Variants in SCAPER observed in about 807,000 individuals in gnomAD.
SCAPER encodes S-phase cyclin A associated protein in the ER, also known as S phase cyclin A-associated protein in the endoplasmic reticulum.
Under a neutral mutation model 182.2 loss-of-function variants are expected in SCAPER, and 98 were observed. The ratio of observed to expected loss-of-function variants is 0.54; its 90% CI spans 0.46 to 0.64. The LOEUF is 0.64. Among genes scored for constraint, SCAPER ranks in the 30% least tolerant of loss-of-function variants. The pLI is 0.00. For missense variants in SCAPER, 1,432 were observed against 1,690.0 expected (o/e 0.85, Z 2.68); for synonymous variants, 605 against 564.6 (o/e 1.07, Z -1.01).
chr15:76,512,055 G>C (rs2042093755), intron 23 of SCAPER, among the ~76,000 whole-genome samples: 1 of 150,904 alleles, frequency 6.6e-6, no homozygotes, highest in African/African-American at 2.4e-5. Context: ...GCTAATTTTT[G>C]TATTTTTTTT....
At chr15:76,752,759 T>A (rs2062170024) in intron 15 of SCAPER, among the ~76,000 whole-genome samples, 2 of 151,364 alleles carry the variant, frequency 1.3e-5, no homozygotes, top group Admixed American at 1.3e-4. Flanking sequence ...GAGTATAGAG[T>A]TTCAGTTTTA....
intron 25 of SCAPER, among the ~76,000 whole-genome samples, chr15:76,443,509 T>C (rs958308544): frequency 6.6e-6 from 1 of 152,192 alleles, no homozygotes; most frequent in Non-Finnish European, 1.5e-5. Context: ...ATGGATAACT[T>C]GTTTTAAGAA....
intron 25 of SCAPER, among the ~76,000 whole-genome samples, chr15:76,444,549 G>T (rs1045692475): frequency 2.0e-5 from 3 of 152,054 alleles, no homozygotes; most frequent in African/African-American, 7.3e-5. Context: ...ATGTGTTAGG[G>T]CTTAAGTCCA....
Position 76,728,582 on chromosome 15 carries a change from G to C in SCAPER, c.2165+13C>G. Reference sequence around the variant, plus strand: ...TCAGTGCAAAATGTTCATCAAGATAGCAAATGAGATACCTAGCTCTTTCCC... The same window carrying C: ...TCAGTGCAAAATGTTCATCAAGATACCAAATGAGATACCTAGCTCTTTCCC... On this transcript the variant is annotated intron_variant, in intron 17 of 31. Transcript: ENST00000563290. The C allele has an allele frequency of 6.2e-7, 1 of 1,612,980 alleles. No homozygotes were observed.
chr15:76,881,671 ATAAAG>A (rs2073548956), intron 2 of SCAPER, among the ~76,000 whole-genome samples: 1 of 152,234 alleles, frequency 6.6e-6, no homozygotes, highest in East Asian at 1.9e-4. Context: ...TATGTGGTAC[ATAAAG>A]TAGTCAAAAT....
intron 20 of SCAPER, among the ~76,000 whole-genome samples, chr15:76,681,745 C>T (rs2057719378): frequency 6.6e-6 from 1 of 152,126 alleles, no homozygotes; most frequent in African/African-American, 2.4e-5. Flanking sequence ...CAGAAGACAT[C>T]ACAACTACCA....
chr15:76,670,447 T>G (rs1046346487), intron 20 of SCAPER, among the ~76,000 whole-genome samples: 1 of 152,160 alleles, frequency 6.6e-6, no homozygotes, highest in African/African-American at 2.4e-5. Context: ...ATGTGGATAA[T>G]TTTTAATTTT....
At chr15:76,370,310 T>TTTTTTG (rs1555414224) in intron 29 of SCAPER, among the ~76,000 whole-genome samples, 2,121 of 137,300 alleles carry the variant, frequency 0.015, 25 homozygotes, top group African/African-American at 0.046. Flanking sequence ...TTTTTTTTTT[T>TTTTTTG]TTTTTTGTTT....
chr15:76,505,613 T>C (rs1447347909), intron 23 of SCAPER, among the ~76,000 whole-genome samples: 2 of 152,156 alleles, frequency 1.3e-5, no homozygotes, highest in African/African-American at 4.8e-5. Context: ...GGTGAGGATG[T>C]GGAGAGGGAA....
chr15:76,546,417 T>C (rs2144845075), intron 23 of SCAPER, among the ~76,000 whole-genome samples: 1 of 152,258 alleles, frequency 6.6e-6, no homozygotes, highest in African/African-American at 2.4e-5. Flanking sequence ...CTCGAACTCC[T>C]AGGCTCAAGG....
intron 1 of SCAPER, among the ~76,000 whole-genome samples, chr15:76,887,118 A>G (rs913041149): frequency 6.6e-6 from 1 of 152,214 alleles, no homozygotes; most frequent in African/African-American, 2.4e-5. Flanking sequence ...GTTTACCAAC[A>G]TAACAAACCT....
At position 76,570,714 on chromosome 15, in the gene SCAPER, C is replaced by T. The variant is rs1176569403; in HGVS notation, c.2838+3444G>A. On this transcript the variant is annotated intron_variant, in intron 23 of 31. Transcript: ENST00000563290. ...TTTCAGGCTTATCTTTTCCCTATGG[C>T]TACTTGTCCTTGTAAAATTGTTTAA... Among the ~76,000 whole-genome samples, 18 of 152,212 alleles carry T rather than the reference C, an allele frequency of 1.2e-4. 1 individual carries two copies. The East Asian group carries it at 3.1e-3, about 26-fold the overall frequency.
intron 5 of SCAPER, among the ~76,000 whole-genome samples, chr15:76,817,676 C>G (rs2067195644): frequency 6.6e-6 from 1 of 152,028 alleles, no homozygotes; most frequent in African/African-American, 2.4e-5. Flanking sequence ...TGTTATAAAT[C>G]TCAAATATAT....
intron 22 of SCAPER, among the ~76,000 whole-genome samples, chr15:76,598,809 G>C (rs2049698502): frequency 8.4e-6 from 1 of 119,498 alleles, no homozygotes; most frequent in Non-Finnish European, 2.0e-5. Context: ...TGGGGTTAGG[G>C]GGATAGAGGA....
At chr15:76,475,775 C>A (rs766265199) in intron 24 of SCAPER, among the ~76,000 whole-genome samples, 16 of 152,158 alleles carry the variant, frequency 1.1e-4, no homozygotes, top group Non-Finnish European at 2.1e-4. Flanking sequence ...CCCTTGAAAG[C>A]GTCCTTAGAG....
chr15:76,668,477 C>G (rs2056782761), intron 20 of SCAPER, among the ~76,000 whole-genome samples: 1 of 152,204 alleles, frequency 6.6e-6, no homozygotes, highest in African/African-American at 2.4e-5. Context: ...TTCACTAAAA[C>G]TACATCCACA....
intron 22 of SCAPER, among the ~76,000 whole-genome samples, chr15:76,609,746 T>G (rs752953410): frequency 1.7e-4 from 26 of 152,228 alleles, no homozygotes; most frequent in Admixed American, 6.5e-4. Context: ...AATGGAACTA[T>G]GGTAGTATAT....
At chr15:76,573,289 A>G (rs115297142) in intron 23 of SCAPER, among the ~76,000 whole-genome samples, 4,357 of 152,248 alleles carry the variant, frequency 0.029, 190 homozygotes, top group African/African-American at 0.094. Flanking sequence ...AGTGGTAACA[A>G]TCTTACTCTA....
rs57440824 is a variant in SCAPER, at chr15:76,729,295, TACAC to T, written c.2023-562_2023-559del. On this transcript the variant is annotated intron_variant, in intron 16 of 31. Coordinates refer to ENST00000563290, the MANE Select transcript of SCAPER (RefSeq NM_020843.4). ...ACACACACACACATATATATACACATACACACACACACACACACACACACACACA... is the reference window on the plus strand; with the variant it reads ...ACACACACACACATATATATACACATACACACACACACACACACACACACA... Among the ~76,000 whole-genome samples, 865 of 144,260 alleles carry T rather than the reference TACAC, an allele frequency of 6.0e-3. 5 individuals carry two copies. Among genetic ancestry groups the T allele is most frequent in the African/African-American group, 0.01 (412 of 39,326 alleles). 94.6% of individuals were successfully genotyped at this position (144,260 alleles called of 152,430 possible). A position where few individuals can be genotyped will look rare whatever the true frequency, so the allele number is the denominator to read the frequency against.
Sources: allele counts gnomAD v4.1 joint callset (sites outside exome capture counted in the v4.1 genomes callset), GRCh38; gene constraint gnomAD v4.1.1; transcripts MANE v1.5; gene names NCBI Gene and HGNC (gene_info 2026-07-23, HGNC 2026-07-21).